The following SUN3 variants were observed in gnomAD, a reference collection of about 807,000 sequenced individuals.
The protein encoded by SUN3 is SUN domain-containing protein 3.
A neutral mutation model predicts 48.2 loss-of-function variants in SUN3; 36 were observed. That is an observed-to-expected ratio of 0.75 (90% CI 0.57 to 0.99). The LOEUF is 0.99. SUN3 is among the 50% of genes least tolerant of loss of function. The pLI is 0.00. For missense variants in SUN3, 419 were observed against 433.1 expected (o/e 0.97, Z 0.29); for synonymous variants, 148 against 147.9 (o/e 1.00, Z 0.00).
At chr7:47,991,606 C>G (rs1789062531) in intron 8 of SUN3, among the ~76,000 whole-genome samples, 1 of 151,054 alleles carries the variant, frequency 6.6e-6, no homozygotes, top group African/African-American at 2.5e-5. Context: ...AAAAACAAAA[C>G]AAAACAAAAC....
At chr7:48,017,120 A>G in intron 3 of SUN3, 142 bp downstream of exon 3, 7 of 589,546 alleles carry the variant, frequency 1.2e-5, no homozygotes, top group South Asian at 6.5e-5. Context: ...CACAGAAACC[A>G]CTTAATAGAA....
chr7:48,035,387 C>A, the SUN3 span: 4 of 617,868 alleles, frequency 6.5e-6, no homozygotes, highest in Middle Eastern at 4.2e-4. This position sits in a 1 kb window ranked among gnomAD's most constrained non-coding sequence, Gnocchi z 4.0. Context: ...AGTTGACAGG[C>A]GGCGCCCGCG....
intron 3 of SUN3, among the ~76,000 whole-genome samples, chr7:48,012,183 T>C (rs1789701890): frequency 6.6e-6 from 1 of 152,210 alleles, no homozygotes; most frequent in Non-Finnish European, 1.5e-5. Context: ...TGTGAAAATG[T>C]CCAGAGCACT....
chr7:48,018,353 G>A (rs1054052057), intron 2 of SUN3: 3 of 152,090 alleles, frequency 2.0e-5, no homozygotes, highest in African/African-American at 7.2e-5. Flanking sequence ...AAACATATAC[G>A]ACAAGAAATA....
At position 47,987,231 on chromosome 7, in the gene SUN3, C is replaced by T. The variant is rs1383243233; in HGVS notation, c.*99G>A. 7 of 1,308,234 alleles carry T rather than the reference C, an allele frequency of 5.4e-6. No homozygotes were observed. The highest frequency in any genetic ancestry group is 2.7e-5 in the East Asian group (1 of 37,260). 81.0% of individuals were successfully genotyped at this position (1,308,234 alleles called of 1,614,324 possible). A position where few individuals can be genotyped will look rare whatever the true frequency, so the allele number is the denominator to read the frequency against. On this transcript the variant is annotated 3_prime_UTR_variant, in exon 10 of 10. Coordinates refer to ENST00000297325, the MANE Select transcript of SUN3 (RefSeq NM_001030019.2). ...ATGAACCACTTTGAGGTTTTCTTCC[C>T]ACTCCCAATTCTCAATTCCTATGGG... is the stretch of plus-strand genomic sequence containing the variant.
At chr7:47,994,736 T>G (rs1789156266) in intron 7 of SUN3, among the ~76,000 whole-genome samples, 1 of 152,174 alleles carries the variant, frequency 6.6e-6, no homozygotes, top group Non-Finnish European at 1.5e-5. Context: ...CTAGAGGGCA[T>G]GAGTGGTGGT....
intron 2 of SUN3, among the ~76,000 whole-genome samples, chr7:48,023,800 G>T (rs1790064427): frequency 1.3e-5 from 2 of 152,310 alleles, no homozygotes; most frequent in South Asian, 4.1e-4. Flanking sequence ...ATTTACTACT[G>T]CTAAGATGGC....
At chr7:48,022,789 T>C (rs960801578) in intron 2 of SUN3, among the ~76,000 whole-genome samples, 1 of 152,102 alleles carries the variant, frequency 6.6e-6, no homozygotes, top group African/African-American at 2.4e-5. Context: ...TGCCTTGTTA[T>C]ATAGAAGAAA....
intron 3 of SUN3, among the ~76,000 whole-genome samples, chr7:48,009,650 T>C (rs1415265329): frequency 2.6e-5 from 4 of 152,068 alleles, no homozygotes; most frequent in Admixed American, 2.0e-4. Context: ...CTGGTATAGA[T>C]AGTCTCTGGT....
intron 6 of SUN3, among the ~76,000 whole-genome samples, chr7:47,999,502 C>CT (rs35195032): frequency 2.0e-5 from 3 of 151,838 alleles, no homozygotes; most frequent in Admixed American, 6.6e-5. Context: ...CCTTTCCTGC[C>CT]TTTTTTTAAA....
At position 48,027,016 on chromosome 7, in the gene SUN3, A is replaced by T. The variant is rs79271251; in HGVS notation, c.123-1078T>A. Among the ~76,000 whole-genome samples, 581 of 152,248 alleles carry T rather than the reference A, an allele frequency of 3.8e-3. 29 individuals carry two copies. In the East Asian group the frequency reaches 0.098, roughly 26 times the overall value. On this transcript the variant is annotated intron_variant, in intron 1 of 9. Coordinates refer to ENST00000297325, the MANE Select transcript of SUN3 (RefSeq NM_001030019.2). ...TATCAACCCTATACCTCCCACCTCC[A>T]AAGGTACCTGCTCTCCTGAGCTCTA...
chr7:47,987,189 A>G lies in SUN3; in HGVS notation c.*141T>C. ...ATTTTTTTATTAGTAAAATGCATTT[A>G]CTTTTTACAGGCAAGTATGAACCAC... is the stretch of plus-strand genomic sequence containing the variant. On this transcript the variant is annotated 3_prime_UTR_variant, in exon 10 of 10. Transcript: ENST00000297325. The G allele has an allele frequency of 1.3e-6, 1 of 744,750 alleles. No individual in the cohort carries two copies. The highest frequency in any genetic ancestry group is 2.0e-6 in the Non-Finnish European group (1 of 504,558). The allele number at this position is 744,750 out of a possible 1,614,324, so 46.1% of individuals were successfully genotyped here.
intron 7 of SUN3, among the ~76,000 whole-genome samples, chr7:47,995,538 T>G (rs562399623): frequency 2.6e-5 from 4 of 152,360 alleles, no homozygotes; most frequent in African/African-American, 7.2e-5. Flanking sequence ...TGCTGTCTAT[T>G]GATGGCTACT....
chr7:47,987,655 C>A (rs1788938155), intron 9 of SUN3, among the ~76,000 whole-genome samples: 1 of 151,954 alleles, frequency 6.6e-6, no homozygotes, highest in African/African-American at 2.4e-5. Context: ...CAGCTCAGAC[C>A]CCCGAGTAGC....
chr7:48,022,675 C>A (rs1307859448), intron 2 of SUN3, among the ~76,000 whole-genome samples: 1 of 151,982 alleles, frequency 6.6e-6, no homozygotes, highest in African/African-American at 2.4e-5. Context: ...ACTCAACAAA[C>A]TTCAAGTAAG....
At chr7:48,006,179 C>T in intron 5 of SUN3, 126 bp from the exon 6 acceptor site, 1 of 640,018 alleles carries the variant, frequency 1.6e-6, no homozygotes, top group Non-Finnish European at 2.8e-6. Context: ...CTATCAGCTG[C>T]ACTCTGAGCC....
chr7:48,014,710 G>C (rs1481975056), intron 3 of SUN3, among the ~76,000 whole-genome samples: 1 of 152,176 alleles, frequency 6.6e-6, no homozygotes, highest in African/African-American at 2.4e-5. Context: ...AAACTTACAA[G>C]TGTATTAGTC....
At chr7:48,010,197 A>C (rs1162464522) in intron 3 of SUN3, among the ~76,000 whole-genome samples, 2 of 152,146 alleles carry the variant, frequency 1.3e-5, no homozygotes, top group Non-Finnish European at 2.9e-5. Context: ...CACAGCCCCT[A>C]TTCCAACATG....
chr7:48,020,600 G>A (rs956104681), intron 2 of SUN3, among the ~76,000 whole-genome samples: 6 of 152,110 alleles, frequency 3.9e-5, no homozygotes, highest in African/African-American at 1.2e-4. Flanking sequence ...CAGTGTTGCA[G>A]GATACAAAGT....
Sources: allele counts gnomAD v4.1 joint callset (sites outside exome capture counted in the v4.1 genomes callset), GRCh38; gene constraint gnomAD v4.1.1; non-coding constraint Gnocchi (gnomAD v3.1); transcripts MANE v1.5; gene names NCBI Gene and HGNC (gene_info 2026-07-23, HGNC 2026-07-21).